PATZ1: variants seen among roughly 807,000 people sequenced by gnomAD.
PATZ1 encodes POZ-, AT hook-, and zinc finger-containing protein 1.
Under a neutral mutation model 46.2 loss-of-function variants are expected in PATZ1, and 9 were observed. The observed-to-expected ratio is 0.19, with a 90% CI of 0.12 to 0.34. PATZ1 has a LOEUF of 0.34. Ranked by LOEUF, PATZ1 falls within the 10% of genes least tolerant of loss-of-function variation. The pLI is 1.00. For synonymous variants in PATZ1, 426 were observed against 378.6 expected (o/e 1.13, Z -1.45); for missense variants, 632 against 923.0 (o/e 0.68, Z 4.08).
At chr22:31,343,090 C>A in intron 1 of PATZ1, 130 bp from the exon 2 acceptor site, 1 of 1,470,188 alleles carries the variant, frequency 6.8e-7, no homozygotes. Flanking sequence ...CCAACCCCAG[C>A]ATGACAAAGA....
chr22:31,343,483 A>G, intron 1 of PATZ1: 2 of 980,392 alleles, frequency 2.0e-6, no homozygotes, highest in Non-Finnish European at 2.4e-6. Context: ...CCGCCTGAGC[A>G]GGTGGGCAGG....
chr22:31,333,476 C>CT (rs71319182), intron 3 of PATZ1, among the ~76,000 whole-genome samples: 2,715 of 128,692 alleles, frequency 0.021, 56 homozygotes, highest in East Asian at 0.11. Flanking sequence ...TATCCTCTTC[C>CT]TTTTTTTTTT....
intron 2 of PATZ1, among the ~76,000 whole-genome samples, chr22:31,339,064 A>C (rs1472200377): frequency 6.6e-6 from 1 of 152,186 alleles, no homozygotes; most frequent in African/African-American, 2.4e-5. Flanking sequence ...TGTCCTCTAA[A>C]GGCTTTGCCT....
In PATZ1 at chr22:31,344,823, G is replaced by C. The variant is rs919430534; in HGVS notation, c.780C>G (p.Pro260=). 8 of 1,611,184 alleles carry C rather than the reference G, an allele frequency of 5.0e-6. No individual in the cohort carries two copies. Among genetic ancestry groups the C allele is most frequent in the Non-Finnish European group, 6.8e-6 (8 of 1,178,808 alleles). ...PFPSVASSAP[P]LTGKRGRGRP... ...GGCCCCGGCCTCGCTTGCCAGTCAG[G>C]GGAGGGGCACTGGATGCCACACTGG... Residue 260 remains proline (P), a synonymous_variant, in exon 1 of 5, where the codon CCC becomes CCG. Transcript: ENST00000266269.
In PATZ1 at chr22:31,342,874, C is replaced by A. The variant is rs750584189; in HGVS notation, c.1335+23G>T. ...AACAGCATCATCTCCTTCAGCCCAT[C>A]TCTGCCCTGACCCAGCCCCTACCTG... On this transcript the variant is annotated intron_variant, in intron 2 of 4. Coordinates refer to ENST00000266269, the MANE Select transcript of PATZ1 (RefSeq NM_014323.3). 17 of 1,613,122 alleles carry A rather than the reference C, an allele frequency of 1.1e-5. No individual in the cohort carries two copies. In the Admixed American group the frequency reaches 2.8e-4, roughly 27 times the overall value.
At position 31,326,595 on chromosome 22, in the gene PATZ1, G is replaced by A; in HGVS notation, c.*296C>T. The A allele has an allele frequency of 2.9e-6, 1 of 340,054 alleles. No individual in the cohort carries two copies. Among genetic ancestry groups the A allele is most frequent in the Non-Finnish European group, 5.4e-6 (1 of 186,174 alleles). 21.1% of individuals were successfully genotyped at this position (340,054 alleles called of 1,614,324 possible). On this transcript the variant is annotated 3_prime_UTR_variant, in exon 5 of 5. Coordinates refer to ENST00000266269, the MANE Select transcript of PATZ1 (RefSeq NM_014323.3). ...TAAGAATTGAGCACCAGGAATTCCA[G>A]CTTCTTCCCATTAAAGAAACTGGGA...
At chr22:31,329,030 C>G in intron 3 of PATZ1, 106 bp from the exon 4 acceptor site, 2 of 1,264,094 alleles carry the variant, frequency 1.6e-6, no homozygotes, top group Admixed American at 2.7e-5. Flanking sequence ...CCCAGGTCAG[C>G]TGCACCTAGA....
chr22:31,338,267 G>A (rs2049536630), intron 2 of PATZ1, among the ~76,000 whole-genome samples: 1 of 152,178 alleles, frequency 6.6e-6, no homozygotes, highest in East Asian at 1.9e-4. Context: ...ATATGAGACA[G>A]CTGGACTAAG....
At chr22:31,344,305 GGGGA>G (rs757532346) in intron 1 of PATZ1, 23 bp downstream of exon 1, 3 of 1,562,298 alleles carry the variant, frequency 1.9e-6, no homozygotes, top group African/African-American at 2.7e-5. Flanking sequence ...ACGTGTGGCA[GGGGA>G]GGAAGAGGGG....
chr22:31,335,034 C>A (rs1313501409), intron 3 of PATZ1, among the ~76,000 whole-genome samples: 1 of 152,136 alleles, frequency 6.6e-6, no homozygotes, highest in South Asian at 2.1e-4. Flanking sequence ...CCAACTAGAC[C>A]CGGCAGAACC....
chr22:31,335,498 A>C, intron 3 of PATZ1, 194 bp downstream of exon 3: 1 of 560,598 alleles, frequency 1.8e-6, no homozygotes, highest in Non-Finnish European at 3.1e-6. Context: ...TCCCATTCTA[A>C]GCACCCCAAG....
At position 31,328,538 on chromosome 22, in the gene PATZ1, A is replaced by T. The variant is rs2049395250; in HGVS notation, c.1645+249T>A. On this transcript the variant is annotated intron_variant, in intron 4 of 4. Transcript: ENST00000266269. This position sits in a 1 kb window ranked among gnomAD's most constrained non-coding sequence, Gnocchi z 4.8. ...CTCCAGACAGTGGGGGCTGGCCAGG[A>T]GGAAAGGAGGAGGGCTGGGGAAGAG... Among the ~76,000 whole-genome samples, 1 of 152,130 alleles carries T rather than the reference A, an allele frequency of 6.6e-6. No individual in the cohort carries two copies.
At chr22:31,335,174 A>G (rs934484555) in intron 3 of PATZ1, among the ~76,000 whole-genome samples, 24 of 152,118 alleles carry the variant, frequency 1.6e-4, no homozygotes, top group African/African-American at 5.6e-4. Context: ...CAAGGCCACA[A>G]TCTACCTGAG....
At position 31,345,631 on chromosome 22, in the gene PATZ1, C is replaced by T; in HGVS notation, c.-29G>A. 1 of 1,556,014 alleles carries T rather than the reference C, an allele frequency of 6.4e-7. No homozygotes were observed. Among genetic ancestry groups the T allele is most frequent in the South Asian group, 1.2e-5 (1 of 83,786 alleles). ...CGCCGCCCCCTCCCACTAGCCCGGCCGCTGCACCTGCCCGCCCCCTCCCTT... is the reference window on the plus strand; with the variant it reads ...CGCCGCCCCCTCCCACTAGCCCGGCTGCTGCACCTGCCCGCCCCCTCCCTT... On this transcript the variant is annotated 5_prime_UTR_variant, in exon 1 of 5. Coordinates refer to ENST00000266269, the MANE Select transcript of PATZ1 (RefSeq NM_014323.3). The surrounding 1 kb of genome is among the most constrained non-coding windows in gnomAD (Gnocchi z 7.4).
chr22:31,332,677 T>A (rs2049457594), intron 3 of PATZ1, among the ~76,000 whole-genome samples: 1 of 152,216 alleles, frequency 6.6e-6, no homozygotes, highest in Non-Finnish European at 1.5e-5. Context: ...TGTGTTGGAG[T>A]GGGCCTACAT....
intron 3 of PATZ1, among the ~76,000 whole-genome samples, chr22:31,332,067 C>T (rs1022894809): frequency 2.0e-5 from 3 of 152,090 alleles, no homozygotes; most frequent in African/African-American, 4.8e-5. Flanking sequence ...GCTGAGATCG[C>T]GCCATTGCAC....
chr22:31,332,885 A>G (rs1450837671), intron 3 of PATZ1, among the ~76,000 whole-genome samples: 1 of 152,258 alleles, frequency 6.6e-6, no homozygotes, highest in Non-Finnish European at 1.5e-5. Context: ...AGATCCTGCT[A>G]CAGAAACTTT....
chr22:31,342,795 G>C, intron 2 of PATZ1, 102 bp downstream of exon 2: 1 of 1,248,348 alleles, frequency 8.0e-7, no homozygotes, highest in South Asian at 1.3e-5. Flanking sequence ...AGCGGTGGGC[G>C]GTCAGCCGGG....
Position 31,345,669 on chromosome 22 carries a change from G to A in PATZ1, c.-67C>T, listed in dbSNP as rs1431278511. The A allele has an allele frequency of 4.2e-6, 6 of 1,443,318 alleles. No individual in the cohort carries two copies. The highest frequency in any genetic ancestry group is 5.6e-6 in the Non-Finnish European group (6 of 1,078,840). The allele number at this position is 1,443,318 out of a possible 1,614,324, so 89.4% of individuals were successfully genotyped here. On this transcript the variant is annotated 5_prime_UTR_variant, in exon 1 of 5. Coordinates refer to ENST00000266269, the MANE Select transcript of PATZ1 (RefSeq NM_014323.3). This position sits in a 1 kb window ranked among gnomAD's most constrained non-coding sequence, Gnocchi z 7.4. ...CGCCCCCTCCCTTCCCCTCAGCAGCGAGAAGCGGGGCGCAGCAGACGTGTC... is the reference window on the plus strand; with the variant it reads ...CGCCCCCTCCCTTCCCCTCAGCAGCAAGAAGCGGGGCGCAGCAGACGTGTC...
Sources: gnomAD v4.1 joint callset for allele counts (sites outside exome capture counted in the v4.1 genomes callset) on GRCh38, gnomAD v4.1.1 for gene constraint, Gnocchi (gnomAD v3.1) non-coding constraint, MANE v1.5 for transcripts, NCBI Gene and HGNC (gene_info 2026-07-23, HGNC 2026-07-21) for gene names.